MFSD12: variants seen among roughly 807,000 people sequenced by gnomAD.
The protein encoded by MFSD12 is major facilitator superfamily domain-containing protein 12.
In MFSD12, 67 loss-of-function variants were observed where a neutral mutation model predicts 51.2. That is an observed-to-expected ratio of 1.31 (90% CI 1.08 to 1.60). MFSD12 has a LOEUF of 1.60. MFSD12 is among the 40% of genes most tolerant of loss of function. The probability of loss-of-function intolerance (pLI) is 0.00; values close to 1 mark genes in which losing one functional copy is unlikely to be tolerated. For synonymous variants in MFSD12, 441 were observed against 316.7 expected, an observed-to-expected ratio of 1.39 and a Z score of -4.17; for missense variants, 921 against 673.0, an observed-to-expected ratio of 1.37 and a Z score of -4.08.
In MFSD12 at chr19:3,546,237, CCTGG is replaced by C. The variant is rs2031028526; in HGVS notation, c.1194+14_1194+17del. The C allele has an allele frequency of 1.9e-6, 3 of 1,606,910 alleles. 1 individual carries two copies. The South Asian group carries it at 3.3e-5, about 18-fold the overall frequency. On this transcript the variant is annotated intron_variant, in intron 7 of 9. Coordinates refer to ENST00000355415, the MANE Select transcript of MFSD12 (RefSeq NM_174983.5). The stretch of plus-strand genomic sequence containing the variant: ...TAGGACCCGGCCTCCCCCACCCCAG[CCTGG>C]CTACCAGCCCTACCGTGTGGGGACC...
Position 3,546,090 on chromosome 19 carries a change from TCTGGATGGCCATGA to T in MFSD12, c.1259_1272del (p.Val420GlufsTer39). The T allele has an allele frequency of 6.2e-7, 1 of 1,613,378 alleles. No homozygotes were observed. Among genetic ancestry groups the T allele is most frequent in the Non-Finnish European group, 8.5e-7 (1 of 1,179,970 alleles). On this transcript the variant is annotated frameshift_variant, in exon 8 of 10. Coordinates refer to ENST00000355415, the MANE Select transcript of MFSD12 (RefSeq NM_174983.5). LOFTEE classifies it high-confidence loss of function. ...GGCACTCACGGGCAAGGGTGCAGGC[TCTGGATGGCCATGA>T]CTGCCAGCCCATTGGCCACCTTATC...
chr19:3,548,456 G>A (rs994065298), intron 2 of MFSD12, among the ~76,000 whole-genome samples, 189 bp from the exon 3 acceptor site: 5 of 152,206 alleles, frequency 3.3e-5, no homozygotes, highest in East Asian at 1.9e-4. Flanking sequence ...ATTACCTAAC[G>A]CGGGAAAGCT....
At chr19:3,556,347 GACAA>G (rs755381081) in intron 1 of MFSD12, among the ~76,000 whole-genome samples, 23 of 152,216 alleles carry the variant, frequency 1.5e-4, no homozygotes, top group Non-Finnish European at 2.4e-4. Context: ...CGGGGGCTCA[GACAA>G]ACAAAGGCAT....
At chr19:3,543,514 G>A, downstream of MFSD12, 3 of 1,347,384 alleles carry the variant, frequency 2.2e-6, no homozygotes, top group Non-Finnish European at 2.9e-6. Flanking sequence ...GGGCCTGCCA[G>A]AGGGGGACAG....
chr19:3,545,201 C>T (rs1315473953), intron 8 of MFSD12, among the ~76,000 whole-genome samples: 1 of 152,212 alleles, frequency 6.6e-6, no homozygotes, highest in Non-Finnish European at 1.5e-5. Context: ...GGCCCGCCTG[C>T]ACCCGCCCCG....
At chr19:3,544,963 G>A (rs1203939845) in intron 8 of MFSD12, 24 bp from the exon 9 acceptor site, 2 of 1,589,516 alleles carry the variant, frequency 1.3e-6, no homozygotes, top group East Asian at 2.3e-5. Context: ...CGGGGGATGA[G>A]TAGGCACCGC....
At position 3,544,810 on chromosome 19, in the gene MFSD12, G is replaced by C; in HGVS notation, c.1419C>G (p.Arg473=). The C allele has an allele frequency of 6.2e-7, 1 of 1,612,260 alleles. No individual in the cohort carries two copies. The highest frequency in any genetic ancestry group is 8.5e-7 in the Non-Finnish European group (1 of 1,179,310). Residue 473 remains arginine (R), a splice_region_variant and synonymous_variant, in exon 9 of 10, where the codon CGC becomes CGG. Coordinates refer to ENST00000355415, the MANE Select transcript of MFSD12 (RefSeq NM_174983.5). The part of the protein sequence containing the change: ...SLLLWPTRLR[R]WDRDARP Reference sequence around the variant, plus strand: ...AGGGAGGGGTGGGCCAGGACTCACAGCGTCGCAGGCGGGTCGGCCACAGCA... The same window carrying C: ...AGGGAGGGGTGGGCCAGGACTCACACCGTCGCAGGCGGGTCGGCCACAGCA...
intron 6 of MFSD12, among the ~76,000 whole-genome samples, chr19:3,547,054 G>A (rs2031119955): frequency 6.6e-6 from 1 of 152,278 alleles, no homozygotes; most frequent in East Asian, 1.9e-4. Flanking sequence ...TAGCCAGGAT[G>A]GTCTCGATCT....
downstream of MFSD12, chr19:3,544,086 G>A (rs1365491166): frequency 1.4e-6 from 2 of 1,452,398 alleles, no homozygotes; most frequent in Non-Finnish European, 1.8e-6. Context: ...GGGGACCAGA[G>A]GCTCGGGACA....
At chr19:3,543,648 G>A (rs1370061033), downstream of MFSD12, 3 of 1,543,464 alleles carry the variant, frequency 1.9e-6, no homozygotes, top group Non-Finnish European at 2.6e-6. Flanking sequence ...AGCGCGCTGT[G>A]GAAAGACAGG....
Position 3,544,445 on chromosome 19 carries a change from C to G in MFSD12, c.*265G>C. On this transcript the variant is annotated 3_prime_UTR_variant, in exon 10 of 10. Coordinates refer to ENST00000355415, the MANE Select transcript of MFSD12 (RefSeq NM_174983.5). The stretch of plus-strand genomic sequence containing the variant: ...GGGATTCCTACTTCCTGTTCCCTGC[C>G]GAGAGGGGCACCCCAAATCCTCCAG... 1 of 1,341,308 alleles carries G rather than the reference C, an allele frequency of 7.5e-7. No individual in the cohort carries two copies. The highest frequency in any genetic ancestry group is 9.5e-7 in the Non-Finnish European group (1 of 1,048,686). 83.1% of individuals were successfully genotyped at this position (1,341,308 alleles called of 1,614,324 possible).
intron 1 of MFSD12, among the ~76,000 whole-genome samples, chr19:3,556,036 G>T (rs566404252): frequency 6.6e-6 from 1 of 152,264 alleles, no homozygotes; most frequent in Non-Finnish European, 1.5e-5. Context: ...CAGACCTAGG[G>T]GGTCCCTGAC....
chr19:3,546,217 C>T (rs1291668233), intron 7 of MFSD12, 38 bp downstream of exon 7: 1 of 1,606,952 alleles, frequency 6.2e-7, no homozygotes, highest in East Asian at 2.2e-5. Flanking sequence ...AGATCTAGGA[C>T]CCGGCCTCCC....
At chr19:3,554,534 C>T (rs943756967) in intron 1 of MFSD12, among the ~76,000 whole-genome samples, 8 of 152,136 alleles carry the variant, frequency 5.3e-5, no homozygotes, top group African/African-American at 1.2e-4. Flanking sequence ...GCAAAAGCTC[C>T]GTCTATTCTG....
chr19:3,545,024 C>A lies in MFSD12; in HGVS notation c.1290-85G>T. 12 of 1,490,590 alleles carry A rather than the reference C, an allele frequency of 8.1e-6. No homozygotes were observed. The South Asian group carries it at 1.3e-4, about 16-fold the overall frequency. The allele number at this position is 1,490,590 out of a possible 1,614,324, so 92.3% of individuals were successfully genotyped here. ...CTGAACCTGTGCCTCCCCTCACCCC[C>A]GACAGCGGCTCCGTCCTGTCCAATC... On this transcript the variant is annotated intron_variant, in intron 8 of 9. Coordinates refer to ENST00000355415, the MANE Select transcript of MFSD12 (RefSeq NM_174983.5).
chr19:3,540,487 A>G (rs1203270548), downstream of MFSD12, among the ~76,000 whole-genome samples: 1 of 150,220 alleles, frequency 6.7e-6, no homozygotes, highest in Non-Finnish European at 1.5e-5. Context: ...CGATCTCCTG[A>G]CCTCATGATC....
chr19:3,545,580 G>T (rs2030938626), intron 8 of MFSD12, among the ~76,000 whole-genome samples: 1 of 152,204 alleles, frequency 6.6e-6, no homozygotes, highest in African/African-American at 2.4e-5. Context: ...CTGGCTTCCT[G>T]CCCTGGCTGT....
downstream of MFSD12, chr19:3,539,391 AC>A: frequency 1.6e-6 from 1 of 624,526 alleles, no homozygotes; most frequent in Non-Finnish European, 2.9e-6. Flanking sequence ...CATGTGTGTG[AC>A]GTCCCCTCCA....
At chr19:3,539,421 CGGCCAGT>C (rs1175737300), downstream of MFSD12, 1 of 591,184 alleles carries the variant, frequency 1.7e-6, no homozygotes, top group Non-Finnish European at 3.1e-6. Context: ...TGTTCCCCTC[CGGCCAGT>C]GGCCGCTCAC....
Sources: gnomAD v4.1 joint callset for allele counts (sites outside exome capture counted in the v4.1 genomes callset) on GRCh38, gnomAD v4.1.1 for gene constraint, MANE v1.5 for transcripts, NCBI Gene and HGNC (gene_info 2026-07-23, HGNC 2026-07-21) for gene names.